The following ST6GAL1 variants were observed in gnomAD, a reference collection of about 807,000 sequenced individuals.
ST6GAL1 encodes the protein ST6 beta-galactoside alpha-2,6-sialyltransferase 1.
Under a neutral mutation model 38.0 loss-of-function variants are expected in ST6GAL1, and 20 were observed. The observed-to-expected ratio is 0.53, with a 90% CI of 0.37 to 0.77. ST6GAL1 has a LOEUF of 0.77. ST6GAL1 is among the 30% of genes least tolerant of loss of function. ST6GAL1 has a pLI of 0.00. For synonymous variants in ST6GAL1, 196 were observed against 188.2 expected, an observed-to-expected ratio of 1.04 and a Z score of -0.34; for missense variants, 432 against 496.4, an observed-to-expected ratio of 0.87 and a Z score of 1.23.
chr3:186,982,893 G>A (rs1204716253), intron 2 of ST6GAL1, among the ~76,000 whole-genome samples: 7 of 133,050 alleles, frequency 5.3e-5, no homozygotes, highest in African/African-American at 8.6e-5. Flanking sequence ...TTTTGGCCAG[G>A]CTGGTCTTGA....
In ST6GAL1 at chr3:187,014,899, C is replaced by G. The variant is rs528920512; in HGVS notation, c.-182-23843C>G. Among the ~76,000 whole-genome samples the G allele has an allele frequency of 1.7e-4, 26 of 152,306 alleles. 1 individual carries two copies. The highest frequency in any genetic ancestry group is 1.6e-3 in the Admixed American group (25 of 15,292). On this transcript the variant is annotated intron_variant, in intron 2 of 7. Transcript: ENST00000169298. ...TCTTGCTTGACACATGACAAAATCA[C>G]ACACATGCCACCAGAGCACATAATT...
chr3:187,033,667 C>G (rs1230366127), intron 2 of ST6GAL1, among the ~76,000 whole-genome samples: 1 of 152,060 alleles, frequency 6.6e-6, no homozygotes, highest in Non-Finnish European at 1.5e-5. Flanking sequence ...GGTGGCTATA[C>G]CATGCTTTTC....
intron 1 of ST6GAL1, among the ~76,000 whole-genome samples, chr3:186,955,233 G>A (rs1714708496): frequency 6.6e-6 from 1 of 152,188 alleles, no homozygotes; most frequent in Non-Finnish European, 1.5e-5. Flanking sequence ...GGTTACTGTA[G>A]CGTTGTAGTA....
chr3:186,998,054 C>T (rs74618283), intron 2 of ST6GAL1, among the ~76,000 whole-genome samples: 10,662 of 152,244 alleles, frequency 0.07, 418 homozygotes, highest in Middle Eastern at 0.15. Context: ...AGAGACCAGC[C>T]TGGGCAACAC....
chr3:186,977,268 T>C (rs1396802668), intron 2 of ST6GAL1, among the ~76,000 whole-genome samples: 1 of 152,158 alleles, frequency 6.6e-6, no homozygotes, highest in Non-Finnish European at 1.5e-5. Flanking sequence ...TTTCTTTGCT[T>C]TTATCACCAG....
intron 2 of ST6GAL1, among the ~76,000 whole-genome samples, chr3:186,977,468 C>A (rs1177630006): frequency 6.6e-6 from 1 of 152,166 alleles, no homozygotes; most frequent in Non-Finnish European, 1.5e-5. Flanking sequence ...AATGCCCTTG[C>A]CGGGAACAGC....
chr3:186,994,649 TA>T (rs1375635218), intron 2 of ST6GAL1, among the ~76,000 whole-genome samples: 1 of 152,214 alleles, frequency 6.6e-6, no homozygotes, highest in African/African-American at 2.4e-5. Flanking sequence ...TATGTATATT[TA>T]AAAGATAGAG....
At chr3:186,930,870 G>A in intron 1 of ST6GAL1, 36 bp downstream of exon 1, 1 of 153,060 alleles carries the variant, frequency 6.5e-6, no homozygotes, top group Non-Finnish European at 1.5e-5. Flanking sequence ...GGCGCGGCCC[G>A]GGCTATCCCG....
intron 2 of ST6GAL1, among the ~76,000 whole-genome samples, chr3:186,971,404 A>C (rs372412583): frequency 7.2e-5 from 11 of 152,180 alleles, no homozygotes; most frequent in East Asian, 3.8e-4. Context: ...CCCCAACGTT[A>C]GCTGTTTTAA....
chr3:186,941,003 C>T (rs1436223318), intron 1 of ST6GAL1, among the ~76,000 whole-genome samples: 1 of 152,144 alleles, frequency 6.6e-6, no homozygotes, highest in Non-Finnish European at 1.5e-5. Context: ...GGCACAGAAA[C>T]ACTGGGGTCT....
chr3:187,055,570 AG>A (rs1363399779), intron 5 of ST6GAL1, among the ~76,000 whole-genome samples: 7 of 152,150 alleles, frequency 4.6e-5, no homozygotes, highest in African/African-American at 7.2e-5. Flanking sequence ...TGTCCCCAGT[AG>A]TCATTCAGGA....
At chr3:186,976,170 C>T (rs1715512556) in intron 2 of ST6GAL1, among the ~76,000 whole-genome samples, 1 of 152,206 alleles carries the variant, frequency 6.6e-6, no homozygotes, top group African/African-American at 2.4e-5. Flanking sequence ...CAAGGTCATC[C>T]AGTGAGGTGT....
intron 1 of ST6GAL1, among the ~76,000 whole-genome samples, chr3:186,956,135 T>C (rs935518239): frequency 6.6e-6 from 1 of 152,146 alleles, no homozygotes; most frequent in Non-Finnish European, 1.5e-5. Flanking sequence ...CCTCATTTTT[T>C]TCATGTCTTG....
chr3:187,003,462 A>G (rs1049135762), intron 2 of ST6GAL1, among the ~76,000 whole-genome samples: 4 of 151,814 alleles, frequency 2.6e-5, no homozygotes, highest in African/African-American at 9.7e-5. Context: ...AGCCATCACC[A>G]TCAATTTGGG....
intron 1 of ST6GAL1, among the ~76,000 whole-genome samples, chr3:186,944,949 G>A (rs575582534): frequency 6.6e-6 from 1 of 152,314 alleles, no homozygotes; most frequent in East Asian, 1.9e-4. Flanking sequence ...TTCTACTACT[G>A]AAAGGAAAAC....
chr3:187,001,650 A>G (rs1481258397), intron 2 of ST6GAL1, among the ~76,000 whole-genome samples: 2 of 152,184 alleles, frequency 1.3e-5, no homozygotes, highest in Non-Finnish European at 2.9e-5. Context: ...AGGGCCCACC[A>G]TATATGTAAT....
chr3:187,043,104 A>G lies in ST6GAL1; in HGVS notation c.401A>G (p.Lys134Arg). The change falls in exon 4 of 8, where the codon AAG becomes AGG. Residue 134 changes from lysine (K) to arginine (R), a missense_variant. Coordinates refer to ENST00000169298, the MANE Select transcript of ST6GAL1 (RefSeq NM_173216.2). ...TACAAGGGGCCAGGACCAGGCATCA[A>G]GTTCAGTGCAGAGGCCCTGCGCTGC... is the stretch of plus-strand genomic sequence containing the variant. ...VSYKGPGPGI[K>R]FSAEALRCHL... 2 of 1,614,230 alleles carry G rather than the reference A, an allele frequency of 1.2e-6. No homozygotes were observed. Among genetic ancestry groups the G allele is most frequent in the Non-Finnish European group, 1.7e-6 (2 of 1,180,028 alleles).
At chr3:187,017,805 C>T (rs985052867) in intron 2 of ST6GAL1, among the ~76,000 whole-genome samples, 6 of 152,124 alleles carry the variant, frequency 3.9e-5, no homozygotes, top group Admixed American at 6.5e-5. Context: ...CCGCCTGGCG[C>T]GATCCCCAGC....
At chr3:186,957,808 G>A (rs1714797585) in intron 1 of ST6GAL1, among the ~76,000 whole-genome samples, 1 of 152,150 alleles carries the variant, frequency 6.6e-6, no homozygotes. Context: ...TTCCAACTGA[G>A]AAATTATATC....
Sources: gnomAD v4.1 joint callset for allele counts (sites outside exome capture counted in the v4.1 genomes callset) on GRCh38, gnomAD v4.1.1 for gene constraint, MANE v1.5 for transcripts, NCBI Gene and HGNC (gene_info 2026-07-23, HGNC 2026-07-21) for gene names.